Variants in GRID1 observed in about 807,000 individuals in gnomAD.
GRID1 encodes the protein glutamate ionotropic receptor delta type subunit 1, also known as glutamate receptor ionotropic, delta-1.
GRID1 carries 28 observed loss-of-function variants against 98.0 expected under a neutral mutation model. The observed-to-expected ratio is 0.29, with a 90% confidence interval of 0.21 to 0.39. GRID1 has a LOEUF of 0.39. Among genes scored for constraint, GRID1 ranks in the 10% least tolerant of loss-of-function variants. GRID1 has a pLI of 1.00. For missense variants in GRID1, 1,111 were observed against 1,340.5 expected (o/e 0.83, Z 2.67); for synonymous variants, 553 against 538.5 (o/e 1.03, Z -0.37).
At chr10:85,831,435 TAA>T (rs1842866695) in intron 8 of GRID1, among the ~76,000 whole-genome samples, 2 of 150,772 alleles carry the variant, frequency 1.3e-5, no homozygotes, top group South Asian at 4.2e-4. Context: ...GAAGCTAAAA[TAA>T]GTTTTATAAG....
intron 2 of GRID1, among the ~76,000 whole-genome samples, chr10:86,319,268 C>A (rs976520709): frequency 6.6e-6 from 1 of 152,158 alleles, no homozygotes. Flanking sequence ...AAGCAAGAGT[C>A]ACAGCCTCCC....
intron 12 of GRID1, among the ~76,000 whole-genome samples, chr10:85,670,238 A>G (rs1252062630): frequency 6.6e-6 from 1 of 152,204 alleles, no homozygotes; most frequent in Non-Finnish European, 1.5e-5. Context: ...CATCTTCAGA[A>G]AACAGAGCTA....
Position 85,724,647 on chromosome 10 carries a change from G to A in GRID1, c.1563C>T (p.Thr521=). ...KRADLAISAI[T]ITPERESVVD... ...CAACGCTCTCCCTCTCTGGGGTGAT[G>A]GTGATGGCAGAGATGGCCAAGTCTG... is the stretch of plus-strand genomic sequence containing the variant. Residue 521 remains threonine (T), a synonymous_variant, in exon 11 of 16, where the codon ACC becomes ACT. Transcript: ENST00000327946. 2 of 1,611,656 alleles carry A rather than the reference G, an allele frequency of 1.2e-6. No homozygotes were observed. Among genetic ancestry groups the A allele is most frequent in the Non-Finnish European group, 1.7e-6 (2 of 1,178,936 alleles).
At chr10:85,703,714 T>C (rs1429705406) in intron 12 of GRID1, among the ~76,000 whole-genome samples, 1 of 152,082 alleles carries the variant, frequency 6.6e-6, no homozygotes. Flanking sequence ...ATAATAATGG[T>C]AACAGAATGC....
At chr10:85,604,437 G>T (rs1842627436) in intron 15 of GRID1, among the ~76,000 whole-genome samples, 1 of 152,110 alleles carries the variant, frequency 6.6e-6, no homozygotes, top group African/African-American at 2.4e-5. Flanking sequence ...GAAACCATTG[G>T]CACAGCCTCA....
intron 2 of GRID1, among the ~76,000 whole-genome samples, chr10:86,302,516 C>T (rs949965709): frequency 1.1e-4 from 16 of 152,176 alleles, no homozygotes; most frequent in African/African-American, 2.4e-4. Flanking sequence ...CCATGAATCG[C>T]AGTGAAAGGT....
rs1240152653 is a variant in GRID1, at chr10:86,366,455, G to T, written c.-63C>A. On this transcript the variant is annotated 5_prime_UTR_variant, in exon 1 of 16. Transcript: ENST00000327946. This position sits in a 1 kb window ranked among gnomAD's most constrained non-coding sequence, Gnocchi z 4.1. ...GCGAGGCCGAGGGCAGCGCGAAGCG[G>T]GGAGGCGCTGGTCCCGGTGCAGTCC... The T allele has an allele frequency of 1.6e-6, 2 of 1,215,736 alleles. No homozygotes were observed. The highest frequency in any genetic ancestry group is 6.6e-5 in the East Asian group (2 of 30,320). 75.3% of individuals were successfully genotyped at this position (1,215,736 alleles called of 1,614,324 possible). A position where few individuals can be genotyped will look rare whatever the true frequency, so the allele number is the denominator to read the frequency against.
At chr10:85,973,704 G>A (rs1176615356) in intron 4 of GRID1, among the ~76,000 whole-genome samples, 1 of 152,176 alleles carries the variant, frequency 6.6e-6, no homozygotes, top group Admixed American at 6.5e-5. Context: ...AAATTTTGAT[G>A]AGGATTAGGC....
intron 5 of GRID1, among the ~76,000 whole-genome samples, chr10:85,879,603 C>T (rs1223725438): frequency 6.6e-6 from 1 of 152,034 alleles, no homozygotes; most frequent in African/African-American, 2.4e-5. Context: ...ACGAGAATCT[C>T]TGGGACACAT....
chr10:86,208,788 G>A (rs1045869051), intron 2 of GRID1, among the ~76,000 whole-genome samples: 2 of 152,182 alleles, frequency 1.3e-5, no homozygotes, highest in African/African-American at 2.4e-5. Flanking sequence ...CACAATAGCA[G>A]TAAAGACTCG....
At chr10:85,800,930 T>C (rs1464618998) in intron 8 of GRID1, among the ~76,000 whole-genome samples, 1 of 152,010 alleles carries the variant, frequency 6.6e-6, no homozygotes, top group Non-Finnish European at 1.5e-5. Flanking sequence ...TTGAGCTGTT[T>C]CGTTAAAATA....
intron 3 of GRID1, among the ~76,000 whole-genome samples, chr10:86,184,981 T>A (rs910974686): frequency 6.6e-6 from 1 of 152,154 alleles, no homozygotes; most frequent in Non-Finnish European, 1.5e-5. Flanking sequence ...TACATTTCCA[T>A]ACAAATTTTA....
chr10:86,143,519 T>C (rs1845039468), intron 3 of GRID1, among the ~76,000 whole-genome samples: 1 of 152,150 alleles, frequency 6.6e-6, no homozygotes, highest in African/African-American at 2.4e-5. Context: ...CAGAATCCCT[T>C]GGCTCCCACA....
chr10:85,975,171 T>C (rs923280629), intron 4 of GRID1, among the ~76,000 whole-genome samples: 2 of 152,246 alleles, frequency 1.3e-5, no homozygotes, highest in Non-Finnish European at 2.9e-5. Flanking sequence ...CCAAACGTTC[T>C]CTGTCTCCAT....
intron 3 of GRID1, among the ~76,000 whole-genome samples, chr10:86,149,143 G>A (rs1419892521): frequency 2.6e-5 from 4 of 152,118 alleles, no homozygotes; most frequent in East Asian, 3.8e-4. Flanking sequence ...CCTGACAATC[G>A]GGTGACACAA....
chr10:86,209,708 G>A (rs951592363), intron 2 of GRID1, among the ~76,000 whole-genome samples: 7 of 151,848 alleles, frequency 4.6e-5, no homozygotes, highest in African/African-American at 9.7e-5. Context: ...TCCCTGGGAC[G>A]TAAATTGTCC....
chr10:86,337,045 G>T (rs1285999298), intron 2 of GRID1, among the ~76,000 whole-genome samples: 2 of 151,780 alleles, frequency 1.3e-5, no homozygotes, highest in South Asian at 2.1e-4. Flanking sequence ...TAGAGGCGGG[G>T]TTTCACCGTG....
intron 4 of GRID1, among the ~76,000 whole-genome samples, chr10:86,086,367 C>T (rs1844056231): frequency 6.6e-6 from 1 of 152,192 alleles, no homozygotes; most frequent in Admixed American, 6.5e-5. Context: ...AATGGATGAA[C>T]AGATGAATAT....
At chr10:86,215,465 C>T (rs1205485162) in intron 2 of GRID1, among the ~76,000 whole-genome samples, 1 of 152,178 alleles carries the variant, frequency 6.6e-6, no homozygotes, top group African/African-American at 2.4e-5. Flanking sequence ...ATTTATAGCT[C>T]TCCAGCTCCT....
Sources: gnomAD v4.1 joint callset for allele counts (sites outside exome capture counted in the v4.1 genomes callset) on GRCh38, gnomAD v4.1.1 for gene constraint, Gnocchi (gnomAD v3.1) non-coding constraint, MANE v1.5 for transcripts, NCBI Gene and HGNC (gene_info 2026-07-23, HGNC 2026-07-21) for gene names.